Variants in PPARGC1A observed in about 807,000 individuals in gnomAD.
PPARGC1A encodes the protein peroxisome proliferator-activated receptor gamma coactivator 1-alpha.
Under a neutral mutation model 88.7 loss-of-function variants are expected in PPARGC1A, and 25 were observed. That is an observed-to-expected ratio of 0.28 (90% CI 0.21 to 0.39). The LOEUF is 0.39. PPARGC1A is among the 10% of genes least tolerant of loss of function. The pLI is 1.00. For synonymous variants in PPARGC1A, 363 were observed against 355.6 expected (o/e 1.02, Z -0.24); for missense variants, 880 against 968.7 (o/e 0.91, Z 1.22).
the PPARGC1A span, among the ~76,000 whole-genome samples, chr4:24,132,036 T>C: frequency 6.6e-6 from 1 of 152,214 alleles, no homozygotes; most frequent in Non-Finnish European, 1.5e-5. Flanking sequence ...GGCCATCCTC[T>C]GAATTGGCCG....
chr4:24,095,299 C>T, the PPARGC1A span, among the ~76,000 whole-genome samples: 409 of 151,816 alleles, frequency 2.7e-3, 4 homozygotes, highest in East Asian at 0.051. Context: ...GTATTTTTAG[C>T]AAAGGCAGGG....
upstream of PPARGC1A, among the ~76,000 whole-genome samples, chr4:23,901,642 C>A (rs115947977): frequency 0.023 from 3,515 of 151,864 alleles, 117 homozygotes; most frequent in African/African-American, 0.08. Flanking sequence ...ATGAGAGGAA[C>A]CACAAAGTAT....
chr4:23,856,600 C>T (rs1399795691), intron 2 of PPARGC1A, among the ~76,000 whole-genome samples: 1 of 152,162 alleles, frequency 6.6e-6, no homozygotes, highest in East Asian at 1.9e-4. Flanking sequence ...AGTCATTTCC[C>T]TTTAGCCTCT....
chr4:23,988,045 T>C, the PPARGC1A span, among the ~76,000 whole-genome samples: 2 of 151,920 alleles, frequency 1.3e-5, no homozygotes, highest in East Asian at 3.9e-4. Flanking sequence ...GTGGTGTTTT[T>C]CTGTTCTTGT....
the PPARGC1A span, among the ~76,000 whole-genome samples, chr4:24,301,528 C>A: frequency 0.28 from 42,820 of 150,260 alleles, 6,216 homozygotes; most frequent in African/African-American, 0.35. Flanking sequence ...AGAGCGGTTA[C>A]GGTCAGCTGT....
upstream of PPARGC1A, among the ~76,000 whole-genome samples, chr4:23,904,549 G>C (rs1719810093): frequency 6.6e-6 from 1 of 152,174 alleles, no homozygotes; most frequent in South Asian, 2.1e-4. Flanking sequence ...AGTTGGTAGA[G>C]CTAGGGTTTT....
At chr4:23,925,284 T>C in the PPARGC1A span, among the ~76,000 whole-genome samples, 1 of 152,188 alleles carries the variant, frequency 6.6e-6, no homozygotes, top group Non-Finnish European at 1.5e-5. Context: ...CAAAAATGAA[T>C]AGGTGAATAA....
the PPARGC1A span, among the ~76,000 whole-genome samples, chr4:24,421,208 CAG>C: frequency 1.3e-5 from 2 of 151,884 alleles, no homozygotes; most frequent in South Asian, 2.1e-4. Flanking sequence ...TTCAGATAAA[CAG>C]AAAATTTTTT....
the PPARGC1A span, among the ~76,000 whole-genome samples, chr4:24,352,363 A>C: frequency 6.6e-6 from 1 of 152,184 alleles, no homozygotes; most frequent in African/African-American, 2.4e-5. Context: ...AACAGCCAAC[A>C]CAAGTGAGCA....
At chr4:23,938,979 C>T in the PPARGC1A span, among the ~76,000 whole-genome samples, 1,469 of 152,266 alleles carry the variant, frequency 9.6e-3, 17 homozygotes, top group Non-Finnish European at 0.014. Flanking sequence ...TGCTCTTGCT[C>T]AGATGCTCAA....
the PPARGC1A span, among the ~76,000 whole-genome samples, chr4:24,322,382 G>C: frequency 1.1e-4 from 16 of 152,334 alleles, no homozygotes; most frequent in African/African-American, 3.6e-4. Flanking sequence ...GCAGAAAATG[G>C]TCAAACTGCA....
intron 1 of PPARGC1A, among the ~76,000 whole-genome samples, chr4:23,897,268 C>G (rs1315745358): frequency 6.6e-6 from 1 of 152,138 alleles, no homozygotes; most frequent in South Asian, 2.1e-4. Flanking sequence ...AGTCAGCCAG[C>G]CTTATGAGAT....
the PPARGC1A span, among the ~76,000 whole-genome samples, chr4:24,240,583 A>G: frequency 6.6e-6 from 1 of 152,184 alleles, no homozygotes; most frequent in Non-Finnish European, 1.5e-5. Flanking sequence ...TAGGAGGGGG[A>G]AAAATCGCTA....
At chr4:23,992,691 G>T in the PPARGC1A span, among the ~76,000 whole-genome samples, 1 of 141,444 alleles carries the variant, frequency 7.1e-6, no homozygotes, top group Non-Finnish European at 1.6e-5. Context: ...TGAAAGGCTC[G>T]ATATAGCCCA....
the PPARGC1A span, among the ~76,000 whole-genome samples, chr4:23,918,593 A>T: frequency 1.3e-5 from 2 of 152,178 alleles, no homozygotes; most frequent in Non-Finnish European, 2.9e-5. Context: ...GACAAATATT[A>T]CTTATGGCTA....
the PPARGC1A span, among the ~76,000 whole-genome samples, chr4:24,113,605 G>A: frequency 6.6e-6 from 1 of 152,098 alleles, no homozygotes; most frequent in African/African-American, 2.4e-5. Flanking sequence ...GGAAAGAAGG[G>A]TTCCAGTGAC....
At chr4:24,453,278 C>T in the PPARGC1A span, among the ~76,000 whole-genome samples, 9 of 152,150 alleles carry the variant, frequency 5.9e-5, no homozygotes, top group East Asian at 1.9e-4. Context: ...TTTAAGACAC[C>T]GAGCCCGTGG....
the PPARGC1A span, among the ~76,000 whole-genome samples, chr4:24,047,514 T>G: frequency 1.3e-5 from 2 of 152,208 alleles, no homozygotes; most frequent in African/African-American, 2.4e-5. Flanking sequence ...GCACCATTCT[T>G]GACCCTCATT....
chr4:23,978,580 A>G, the PPARGC1A span, among the ~76,000 whole-genome samples: 1 of 152,320 alleles, frequency 6.6e-6, no homozygotes, highest in East Asian at 1.9e-4. Context: ...CTATCAGGTT[A>G]TAACCCTATT....
Sources: gnomAD v4.1 joint callset for allele counts (sites outside exome capture counted in the v4.1 genomes callset) on GRCh38, gnomAD v4.1.1 for gene constraint, MANE v1.5 for transcripts, NCBI Gene and HGNC (gene_info 2026-07-23, HGNC 2026-07-21) for gene names.